The following NBEAL1 variants were observed in gnomAD, a reference collection of about 807,000 sequenced individuals.
NBEAL1 encodes the protein neurobeachin like 1, also known as neurobeachin-like protein 1.
A neutral mutation model predicts 351.3 loss-of-function variants in NBEAL1; 273 were observed. The observed-to-expected ratio is 0.78, with a 90% CI of 0.70 to 0.86. NBEAL1 has a LOEUF of 0.86. Ranked by LOEUF, NBEAL1 falls within the 40% of genes least tolerant of loss-of-function variation. The pLI is 0.00. For missense variants in NBEAL1, 2,961 were observed against 3,201.3 expected (o/e 0.92, Z 1.81); for synonymous variants, 1,050 against 1,086.4 (o/e 0.97, Z 0.66).
chr2:203,196,286 C>T (rs1248681803), intron 47 of NBEAL1, among the ~76,000 whole-genome samples: 1 of 152,226 alleles, frequency 6.6e-6, no homozygotes, highest in Non-Finnish European at 1.5e-5. Flanking sequence ...TAGTAGCTTT[C>T]TCCAGGACAC....
intron 24 of NBEAL1, among the ~76,000 whole-genome samples, chr2:203,128,790 G>C (rs1248067334): frequency 1.3e-5 from 2 of 151,812 alleles, no homozygotes; most frequent in African/African-American, 4.8e-5. Context: ...TAGAGATGGG[G>C]TTTCACCATG....
At chr2:203,100,504 G>A (rs947080328) in intron 12 of NBEAL1, among the ~76,000 whole-genome samples, 23 of 149,322 alleles carry the variant, frequency 1.5e-4, no homozygotes, top group African/African-American at 5.4e-4. Context: ...GATTAGTGAT[G>A]TTTAGCATTT....
chr2:203,076,177 T>C lies in NBEAL1; in HGVS notation c.599-1575T>C, dbSNP rs2061768122. Among the ~76,000 whole-genome samples, 3 of 152,102 alleles carry C rather than the reference T, an allele frequency of 2.0e-5. No homozygotes were observed. The South Asian group carries it at 6.2e-4, about 32-fold the overall frequency. ...ACAAAAAATGAATTAGGCAGGTGTA[T>C]CTGTTAAGATGTAGTAATGTCCAGG... On this transcript the variant is annotated intron_variant, in intron 7 of 55. Transcript: ENST00000683969.
chr2:203,054,748 T>G (rs1434565334), intron 4 of NBEAL1, among the ~76,000 whole-genome samples: 2 of 152,238 alleles, frequency 1.3e-5, no homozygotes, highest in Non-Finnish European at 2.9e-5. Flanking sequence ...ATTGTCTTTC[T>G]TCTCAGTTAA....
At position 203,127,829 on chromosome 2, in the gene NBEAL1, A is replaced by G. The variant is rs2062977181; in HGVS notation, c.3297A>G (p.Ile1099Met). ...TATCTCTAGATGATATTCGAACAAT[A>G]AGGACTTCTTTGTATGGACTAATTA... ...NELSLDDIRT[I>M]RTSLYGLIKY... The change falls in exon 24 of 56, where the codon ATA becomes ATG. Residue 1099 changes from isoleucine to methionine, a missense_variant. Physicochemically the swap from Ile to Met is conservative, Grantham distance 10. Coordinates refer to ENST00000683969, the MANE Select transcript of NBEAL1 (RefSeq NM_001378026.1). 2.6e-6 allele frequency: 4 copies of G among 1,532,066 alleles called. No homozygotes were observed. The highest frequency in any genetic ancestry group is 3.5e-6 in the Non-Finnish European group (4 of 1,127,886). 94.9% of individuals were successfully genotyped at this position (1,532,066 alleles called of 1,614,324 possible).
intron 46 of NBEAL1, among the ~76,000 whole-genome samples, chr2:203,192,847 G>A (rs1359892338): frequency 1.3e-5 from 2 of 151,320 alleles, no homozygotes; most frequent in African/African-American, 4.9e-5. Flanking sequence ...CATATTTATA[G>A]ATGATACTGT....
At chr2:203,066,737 G>A (rs1411810061) in intron 6 of NBEAL1, among the ~76,000 whole-genome samples, 4 of 148,956 alleles carry the variant, frequency 2.7e-5, no homozygotes, top group African/African-American at 7.4e-5. Flanking sequence ...CCTACCAGAC[G>A]GGGTGGCAGC....
chr2:203,104,538 A>T (rs909737201), intron 12 of NBEAL1, among the ~76,000 whole-genome samples: 1 of 152,184 alleles, frequency 6.6e-6, no homozygotes, highest in African/African-American at 2.4e-5. Context: ...GCCCATATAC[A>T]TTCAAGGTTA....
intron 10 of NBEAL1, among the ~76,000 whole-genome samples, chr2:203,092,382 T>G (rs2062084008): frequency 6.6e-6 from 1 of 150,486 alleles, no homozygotes; most frequent in Non-Finnish European, 1.5e-5. Context: ...GGTGAAACCC[T>G]GTCTCTACTA....
chr2:203,094,765 A>G (rs1323785950), intron 10 of NBEAL1, among the ~76,000 whole-genome samples: 1 of 152,178 alleles, frequency 6.6e-6, no homozygotes, highest in Non-Finnish European at 1.5e-5. Flanking sequence ...TGTTTTACTA[A>G]ATTACAGGGA....
chr2:203,206,567 C>G (rs968912918), intron 51 of NBEAL1, among the ~76,000 whole-genome samples: 1 of 145,862 alleles, frequency 6.9e-6, no homozygotes, highest in South Asian at 2.3e-4. Context: ...AGGCGCGCGC[C>G]GCCACGCCTG....
At chr2:203,172,607 C>G in intron 40 of NBEAL1, 122 bp from the exon 41 acceptor site, 1 of 802,798 alleles carries the variant, frequency 1.2e-6, no homozygotes, top group Non-Finnish European at 1.9e-6. Context: ...ATATTTACAA[C>G]AGGGAAAAAA....
Position 203,130,328 on chromosome 2 carries a change from T to G in NBEAL1, c.3416T>G (p.Ile1139Ser), listed in dbSNP as rs771338682. ...GTTTAATTTTAAAAGCTCTTTGGAA[T>G]TTTGGACGTGCTCTTCAGTCTCCTA... ...ATNEEEQLFG[I>S]LDVLFSLLRT... Residue 1139 changes from isoleucine (I) to serine (S), a missense_variant, in exon 25 of 56, where the codon ATT becomes AGT. Coordinates refer to ENST00000683969, the MANE Select transcript of NBEAL1 (RefSeq NM_001378026.1). The G allele has an allele frequency of 6.5e-7, 1 of 1,528,520 alleles. No individual in the cohort carries two copies. The highest frequency in any genetic ancestry group is 2.2e-5 in the Admixed American group (1 of 44,770). The allele number at this position is 1,528,520 out of a possible 1,614,324, so 94.7% of individuals were successfully genotyped here.
rs1305827142 is a variant in NBEAL1, at chr2:203,132,245, C to T, written c.3724+113C>T. ...ATATCTGTTATTTGATTCAGCAGGG[C>T]CTTCCTTGGATACCATATCTTACGT... On this transcript the variant is annotated intron_variant, in intron 26 of 55. Coordinates refer to ENST00000683969, the MANE Select transcript of NBEAL1 (RefSeq NM_001378026.1). The T allele has an allele frequency of 2.7e-5, 19 of 695,620 alleles. No individual in the cohort carries two copies. The East Asian group carries it at 5.4e-4, about 20-fold the overall frequency. The allele number at this position is 695,620 out of a possible 1,614,324, so 43.1% of individuals were successfully genotyped here. A position where few individuals can be genotyped will look rare whatever the true frequency, so the allele number is the denominator to read the frequency against.
chr2:203,151,394 A>T, intron 34 of NBEAL1, 71 bp from the exon 35 acceptor site: 3 of 1,145,070 alleles, frequency 2.6e-6, no homozygotes, highest in Non-Finnish European at 2.4e-6. Context: ...ACTTTTTTAC[A>T]TTATTTAAAT....
intron 10 of NBEAL1, among the ~76,000 whole-genome samples, chr2:203,090,516 A>G (rs2062042870): frequency 6.6e-6 from 1 of 152,148 alleles, no homozygotes; most frequent in Non-Finnish European, 1.5e-5. Flanking sequence ...TTCTTATAGG[A>G]AAAAAGGTAA....
At position 203,180,600 on chromosome 2, in the gene NBEAL1, G is replaced by A. The variant is rs142541760; in HGVS notation, c.6595+88G>A. 567 of 1,191,344 alleles carry A rather than the reference G, an allele frequency of 4.8e-4. 5 individuals are homozygous for A. In the African/African-American group the frequency reaches 7.5e-3, roughly 16 times the overall value. The allele number at this position is 1,191,344 out of a possible 1,614,324, so 73.8% of individuals were successfully genotyped here. ...TTTCAGGACATTTTTGTAATATCCTGTAGATTATTTAAGATTCATTCTGTC... is the reference window on the plus strand; with the variant it reads ...TTTCAGGACATTTTTGTAATATCCTATAGATTATTTAAGATTCATTCTGTC... On this transcript the variant is annotated intron_variant, in intron 43 of 55. Coordinates refer to ENST00000683969, the MANE Select transcript of NBEAL1 (RefSeq NM_001378026.1).
intron 2 of NBEAL1, among the ~76,000 whole-genome samples, chr2:203,039,545 C>T (rs1345609278): frequency 7.8e-6 from 1 of 128,410 alleles, no homozygotes; most frequent in East Asian, 2.0e-4. Context: ...AGGCTTGTAC[C>T]ACCACACCTG....
rs1488982208 is a variant in NBEAL1 at position 203,198,040 on chromosome 2, G to A, written c.7128+649G>A. ...CTTTTCTTTTTTTTTTTTTTTTTGA[G>A]ACAGAGTCTCACTCTGTCACCCAGG... is the stretch of plus-strand genomic sequence containing the variant. On this transcript the variant is annotated intron_variant, in intron 48 of 55. Transcript: ENST00000683969. 9.1e-5 allele frequency among the ~76,000 whole-genome samples: 9 copies of A among 98,612 alleles called. No individual in the cohort carries two copies. In the South Asian group the frequency reaches 1.5e-3, roughly 17 times the overall value. 64.7% of individuals were successfully genotyped at this position (98,612 alleles called of 152,430 possible). A position where few individuals can be genotyped will look rare whatever the true frequency, so the allele number is the denominator to read the frequency against.
Sources: gnomAD v4.1 joint callset for allele counts (sites outside exome capture counted in the v4.1 genomes callset) on GRCh38, gnomAD v4.1.1 for gene constraint, MANE v1.5 for transcripts, NCBI Gene and HGNC (gene_info 2026-07-23, HGNC 2026-07-21) for gene names.